DAB1: variants seen among roughly 807,000 people sequenced by gnomAD.
The protein encoded by DAB1 is DAB adaptor protein 1, also known as disabled homolog 1.
Under a neutral mutation model 64.6 loss-of-function variants are expected in DAB1, and 15 were observed. The ratio of observed to expected loss-of-function variants is 0.23; its 90% CI spans 0.16 to 0.36. The LOEUF (loss-of-function observed/expected upper bound fraction) is 0.36, where lower values mean the gene tolerates loss of function less well. DAB1 is among the 10% of genes least tolerant of loss of function. The pLI, the probability that DAB1 is intolerant of heterozygous loss-of-function variation, is 1.00. For missense variants in DAB1, 596 were observed against 706.7 expected (o/e 0.84, Z 1.78); for synonymous variants, 235 against 251.9 (o/e 0.93, Z 0.64).
chr1:58,533,214 T>G (rs1030745841), intron 1 of DAB1, among the ~76,000 whole-genome samples: 1 of 152,210 alleles, frequency 6.6e-6, no homozygotes, highest in Non-Finnish European at 1.5e-5. Flanking sequence ...TACATCAACT[T>G]GAATTCTATG....
At chr1:58,395,074 CA>C (rs1341274040) in intron 3 of DAB1, among the ~76,000 whole-genome samples, 1 of 151,972 alleles carries the variant, frequency 6.6e-6, no homozygotes, top group East Asian at 1.9e-4. Flanking sequence ...ACAAGCCTGT[CA>C]AAAAGCAGCT....
chr1:57,914,851 A>G (rs560082048), intron 5 of DAB1, among the ~76,000 whole-genome samples: 2 of 152,316 alleles, frequency 1.3e-5, no homozygotes, highest in South Asian at 4.1e-4. Flanking sequence ...ATGCCTCAAA[A>G]TTGCCAAAAA....
At chr1:57,844,687 T>C (rs924760098) in intron 1 of DAB1, among the ~76,000 whole-genome samples, 1 of 152,202 alleles carries the variant, frequency 6.6e-6, no homozygotes, top group African/African-American at 2.4e-5. Flanking sequence ...GCATTCTTGT[T>C]CCTGGCTGGG....
At chr1:57,303,538 C>G (rs1673853733) in intron 1 of DAB1, among the ~76,000 whole-genome samples, 1 of 152,086 alleles carries the variant, frequency 6.6e-6, no homozygotes, top group Non-Finnish European at 1.5e-5. Flanking sequence ...CAGACTCTAT[C>G]CACTGGTAGA....
intron 5 of DAB1, among the ~76,000 whole-genome samples, chr1:58,009,463 T>C (rs1435614368): frequency 6.6e-6 from 1 of 152,216 alleles, no homozygotes; most frequent in Non-Finnish European, 1.5e-5. Context: ...TCATATATTA[T>C]TGGGACTCAT....
At chr1:58,380,594 C>T (rs951519526) in intron 3 of DAB1, among the ~76,000 whole-genome samples, 1 of 152,164 alleles carries the variant, frequency 6.6e-6, no homozygotes, top group Non-Finnish European at 1.5e-5. Flanking sequence ...CCTGAGACAG[C>T]AGAGATGACT....
intron 4 of DAB1, among the ~76,000 whole-genome samples, chr1:58,213,863 G>A (rs537664056): frequency 2.0e-5 from 3 of 152,134 alleles, no homozygotes; most frequent in African/African-American, 7.2e-5. Flanking sequence ...TCCCATGCCT[G>A]CCCACTGGAA....
At chr1:57,991,495 A>G (rs967387793) in intron 5 of DAB1, among the ~76,000 whole-genome samples, 2 of 152,122 alleles carry the variant, frequency 1.3e-5, no homozygotes, top group African/African-American at 4.8e-5. Context: ...TTGTATGAGC[A>G]GTACTGTGAC....
At chr1:57,799,767 G>C (rs1448149956) in intron 6 of DAB1, among the ~76,000 whole-genome samples, 1 of 152,052 alleles carries the variant, frequency 6.6e-6, no homozygotes, top group Non-Finnish European at 1.5e-5. Flanking sequence ...AATTTTTCGT[G>C]ACACATGAAA....
intron 6 of DAB1, among the ~76,000 whole-genome samples, chr1:57,788,851 C>T (rs893733376): frequency 6.6e-6 from 1 of 152,106 alleles, no homozygotes; most frequent in Non-Finnish European, 1.5e-5. Flanking sequence ...GCAGCTGGAA[C>T]TCAGTGTTGA....
chr1:58,300,625 AG>A (rs1662123089), intron 4 of DAB1, among the ~76,000 whole-genome samples: 1 of 33,300 alleles, frequency 3.0e-5, no homozygotes, highest in Non-Finnish European at 9.5e-5. Context: ...AGAGAGAGAG[AG>A]AGAGAGAGAG....
At chr1:57,131,923 A>G (rs1383334656) in intron 4 of DAB1, among the ~76,000 whole-genome samples, 1 of 152,156 alleles carries the variant, frequency 6.6e-6, no homozygotes, top group Non-Finnish European at 1.5e-5. Flanking sequence ...TAGATAGACA[A>G]TAGTGATGAA....
intron 7 of DAB1, among the ~76,000 whole-genome samples, chr1:57,586,695 T>C (rs1445552314): frequency 6.6e-6 from 1 of 152,070 alleles, no homozygotes; most frequent in Admixed American, 6.6e-5. Flanking sequence ...GAATCATTCT[T>C]CCAGCAGAGT....
At chr1:57,991,864 A>C (rs12083473) in intron 5 of DAB1, among the ~76,000 whole-genome samples, 2 of 149,958 alleles carry the variant, frequency 1.3e-5, no homozygotes, top group African/African-American at 4.9e-5. Context: ...AAAAAAAAAA[A>C]AAAAAGGAGT....
At chr1:57,444,386 A>G (rs897977847) in intron 7 of DAB1, among the ~76,000 whole-genome samples, 3 of 152,138 alleles carry the variant, frequency 2.0e-5, no homozygotes, top group Admixed American at 6.5e-5. Flanking sequence ...CTTAATGTCT[A>G]TTTCCCCCAA....
At chr1:58,213,332 T>C (rs544008648) in intron 4 of DAB1, among the ~76,000 whole-genome samples, 1 of 152,224 alleles carries the variant, frequency 6.6e-6, no homozygotes, top group East Asian at 1.9e-4. Flanking sequence ...ATTGTATTAG[T>C]CTGTTCTTAT....
At chr1:57,415,326 G>A (rs1684414911) in intron 1 of DAB1, among the ~76,000 whole-genome samples, 2 of 149,978 alleles carry the variant, frequency 1.3e-5, no homozygotes, top group South Asian at 4.2e-4. Context: ...AAATTTGAAA[G>A]GCAAACAAAA....
chr1:57,539,609 A>C (rs538032888), intron 7 of DAB1, among the ~76,000 whole-genome samples: 1 of 152,310 alleles, frequency 6.6e-6, no homozygotes, highest in East Asian at 1.9e-4. Context: ...TGGGACAGAA[A>C]CCTTTGAGCT....
intron 5 of DAB1, among the ~76,000 whole-genome samples, chr1:58,072,775 C>T (rs945314752): frequency 2.6e-5 from 4 of 152,150 alleles, no homozygotes; most frequent in East Asian, 1.9e-4. Flanking sequence ...CTTTGCAGTT[C>T]GCAAGCCTTG....
Sources: gnomAD v4.1 joint callset for allele counts (sites outside exome capture counted in the v4.1 genomes callset) on GRCh38, gnomAD v4.1.1 for gene constraint, MANE v1.5 for transcripts, NCBI Gene and HGNC (gene_info 2026-07-23, HGNC 2026-07-21) for gene names.